The following RGS22 variants were observed in gnomAD, a reference collection of about 807,000 sequenced individuals.
RGS22 encodes regulator of G protein signaling 22.
A neutral mutation model predicts 172.9 loss-of-function variants in RGS22; 148 were observed. That is an observed-to-expected ratio of 0.86 (90% CI 0.75 to 0.98). RGS22 has a LOEUF of 0.98. RGS22 is among the 50% of genes least tolerant of loss of function. The pLI is 0.00. For synonymous variants in RGS22, 458 were observed against 480.2 expected, an observed-to-expected ratio of 0.95 and a Z score of 0.60; for missense variants, 1,347 against 1,440.8, an observed-to-expected ratio of 0.93 and a Z score of 1.05.
chr8:99,999,235 A>G (rs762184451), intron 19 of RGS22, 27 bp downstream of exon 19: 2 of 1,601,874 alleles, frequency 1.2e-6, no homozygotes, highest in Non-Finnish European at 1.7e-6. Flanking sequence ...GACAACTGCT[A>G]TCAAAAGATT....
At chr8:100,036,770 T>C (rs188049441) in intron 14 of RGS22, among the ~76,000 whole-genome samples, 1 of 151,628 alleles carries the variant, frequency 6.6e-6, no homozygotes, top group Non-Finnish European at 1.5e-5. Context: ...GGCTAATTTT[T>C]AAATTTTTTA....
chr8:100,031,098 AT>A (rs150257900), intron 14 of RGS22, among the ~76,000 whole-genome samples: 2,443 of 152,292 alleles, frequency 0.016, 33 homozygotes, highest in Middle Eastern at 0.051. Context: ...AAAAAGAGAA[AT>A]ATAATATGTA....
chr8:99,995,652 C>T (rs536172655), intron 20 of RGS22, among the ~76,000 whole-genome samples: 1 of 152,324 alleles, frequency 6.6e-6, no homozygotes, highest in African/African-American at 2.4e-5. Context: ...AATGCTTTTA[C>T]ACCGTTGGTG....
chr8:100,026,833 C>G lies in RGS22; in HGVS notation c.2166+12098G>C, dbSNP rs554327766. Among the ~76,000 whole-genome samples, 3 of 152,298 alleles carry G rather than the reference C, an allele frequency of 2.0e-5. No individual in the cohort carries two copies. In the South Asian group the frequency reaches 6.2e-4, roughly 32 times the overall value. On this transcript the variant is annotated intron_variant, in intron 14 of 27. Coordinates refer to ENST00000360863, the MANE Select transcript of RGS22 (RefSeq NM_015668.5). ...GAAAAAAGGAAACAGTTCCCTCATT[C>G]CTACAGGTATTTGAAAAGAAGCCGA...
intron 9 of RGS22, among the ~76,000 whole-genome samples, chr8:100,056,334 A>C (rs1822248040): frequency 6.6e-6 from 1 of 152,212 alleles, no homozygotes; most frequent in Non-Finnish European, 1.5e-5. Flanking sequence ...GCGACAGAAA[A>C]GAAAACCCAT....
Position 99,977,603 on chromosome 8 carries a change from T to C in RGS22, c.3519+314A>G, listed in dbSNP as rs73699901. ...ATTGAGGATCTTAGTCCAATGAAGA[T>C]GACAGACGTAAAAACTTAATCACAG... On this transcript the variant is annotated intron_variant, in intron 23 of 27. Coordinates refer to ENST00000360863, the MANE Select transcript of RGS22 (RefSeq NM_015668.5). Among the ~76,000 whole-genome samples the C allele has an allele frequency of 2.9e-3, 443 of 152,288 alleles. 4 individuals carry two copies. The highest frequency in any genetic ancestry group is 0.01 in the African/African-American group (428 of 41,576).
At chr8:100,104,493 C>G (rs1389998471) in intron 2 of RGS22, among the ~76,000 whole-genome samples, 1 of 150,504 alleles carries the variant, frequency 6.6e-6, no homozygotes, top group Non-Finnish European at 1.5e-5. Context: ...GTGTGTGTGT[C>G]TGTCTCTCCC....
At chr8:100,027,600 A>G (rs1283626600) in intron 14 of RGS22, among the ~76,000 whole-genome samples, 1 of 152,064 alleles carries the variant, frequency 6.6e-6, no homozygotes, top group Non-Finnish European at 1.5e-5. Context: ...CTCCTGTCTC[A>G]GCCTTCTGAG....
At chr8:99,967,801 G>A (rs144614593) in intron 23 of RGS22, among the ~76,000 whole-genome samples, 7,029 of 152,216 alleles carry the variant, frequency 0.046, 202 homozygotes, top group Non-Finnish European at 0.051. Flanking sequence ...GGCTGTGGGC[G>A]CAGCTTCAGC....
Position 99,981,955 on chromosome 8 carries a change from A to T in RGS22, c.3342T>A (p.Tyr1114Ter). ...CTCTTACCTGTGCCTCTCTAAATAC[A>T]TATGGTCCTAACTCCTTCCGGTGTT... The part of the protein sequence containing the change: ...IIEHRKELGP[Y>*]VFREAQMTIF... Residue 1114 changes from tyrosine to a stop codon, truncating the protein, a stop_gained, in exon 22 of 28, where the codon TAT (tyrosine) becomes TAA (stop). Transcript: ENST00000360863. LOFTEE classifies it high-confidence loss of function. The T allele has an allele frequency of 6.2e-7, 1 of 1,612,772 alleles. No individual in the cohort carries two copies. Among genetic ancestry groups the T allele is most frequent in the South Asian group, 1.1e-5 (1 of 90,856 alleles).
intron 10 of RGS22, 89 bp downstream of exon 10, chr8:100,052,713 T>G: frequency 8.4e-7 from 1 of 1,196,590 alleles, no homozygotes; most frequent in Non-Finnish European, 1.2e-6. Context: ...CAACAAAGCT[T>G]GTAATGAAAA....
At chr8:100,064,080 G>T in intron 7 of RGS22, 37 bp from the exon 8 acceptor site, 1 of 1,392,900 alleles carries the variant, frequency 7.2e-7, no homozygotes, top group South Asian at 1.6e-5. Context: ...GATTAGATAT[G>T]AATACAAACC....
intron 14 of RGS22, among the ~76,000 whole-genome samples, chr8:100,031,910 C>A (rs900033505): frequency 4.6e-5 from 7 of 152,212 alleles, no homozygotes; most frequent in African/African-American, 1.2e-4. Context: ...TCATATCCAG[C>A]CAAACTAAGC....
intron 9 of RGS22, 83 bp from the exon 10 acceptor site, chr8:100,053,059 T>G: frequency 8.1e-7 from 1 of 1,232,902 alleles, no homozygotes; most frequent in Non-Finnish European, 1.2e-6. Flanking sequence ...ATAATAGCTG[T>G]GCTCACAATT....
chr8:99,998,397 G>GT (rs35656523), intron 19 of RGS22, among the ~76,000 whole-genome samples: 52,259 of 152,036 alleles, frequency 0.34, 10,056 homozygotes, highest in East Asian at 0.45. Context: ...ATATGTGGCA[G>GT]TGTTGAGATT....
chr8:100,091,157 C>T (rs970311203), intron 3 of RGS22, among the ~76,000 whole-genome samples: 2 of 152,090 alleles, frequency 1.3e-5, no homozygotes, highest in African/African-American at 4.8e-5. Flanking sequence ...GAGAATACAT[C>T]ATTCCTTCTC....
chr8:99,974,469 T>C (rs1811702861), intron 23 of RGS22, among the ~76,000 whole-genome samples: 1 of 151,986 alleles, frequency 6.6e-6, no homozygotes, highest in Non-Finnish European at 1.5e-5. Flanking sequence ...TATGATACAA[T>C]AGTAATGAGA....
intron 19 of RGS22, among the ~76,000 whole-genome samples, chr8:99,998,302 G>A (rs1476320178): frequency 1.3e-5 from 2 of 152,140 alleles, no homozygotes; most frequent in African/African-American, 4.8e-5. Flanking sequence ...TCATTTTTCA[G>A]AACAACCTTA....
At chr8:100,026,332 T>C (rs1480017158) in intron 14 of RGS22, among the ~76,000 whole-genome samples, 1 of 152,194 alleles carries the variant, frequency 6.6e-6, no homozygotes, top group Middle Eastern at 3.2e-3. Flanking sequence ...ACTGAATAAT[T>C]TAATGAATTC....
Sources: gnomAD v4.1 joint callset for allele counts (sites outside exome capture counted in the v4.1 genomes callset) on GRCh38, gnomAD v4.1.1 for gene constraint, MANE v1.5 for transcripts, NCBI Gene and HGNC (gene_info 2026-07-23, HGNC 2026-07-21) for gene names.